The following MUC4 variants were observed in gnomAD, a reference collection of about 807,000 sequenced individuals.
MUC4 encodes mucin 4, cell surface associated.
In MUC4, 202 loss-of-function variants were observed where a neutral mutation model predicts 257.9. The ratio of observed to expected loss-of-function variants is 0.78; its 90% CI spans 0.70 to 0.88. The LOEUF is 0.88. MUC4 is among the 40% of genes least tolerant of loss of function. The pLI is 0.00. For synonymous variants in MUC4, 2,351 were observed against 2,757.1 expected (o/e 0.85, Z 4.62); for missense variants, 5,976 against 6,513.7 (o/e 0.92, Z 2.84).
Position 195,747,371 on chromosome 3 carries a change from G to A in MUC4, c.16044C>T (p.Ser5348=). The A allele has an allele frequency of 6.2e-7, 1 of 1,613,868 alleles. No homozygotes were observed. Among genetic ancestry groups the A allele is most frequent in the Non-Finnish European group, 8.5e-7 (1 of 1,179,792 alleles). ...CGCCCCAGGCCGTGTAGATGGAGAAGGACACACAGCTGGTGACCAAGAGAG... is the reference window on the plus strand; with the variant it reads ...CGCCCCAGGCCGTGTAGATGGAGAAAGACACACAGCTGGTGACCAAGAGAG... ...LPSGPRCSCV[S]FSIYTAWGEH... is the part of the protein sequence containing the mutation. Residue 5348 remains serine, a synonymous_variant, in exon 25 of 25, where the codon TCC becomes TCT. Transcript: ENST00000463781.
At chr3:195,760,258 T>C (rs1718494512) in intron 16 of MUC4, among the ~76,000 whole-genome samples, 1 of 152,098 alleles carries the variant, frequency 6.6e-6, no homozygotes, top group Non-Finnish European at 1.5e-5. Context: ...AATGTGACAT[T>C]TTAGACAGGG....
Position 195,810,547 on chromosome 3 carries a change from G to T in MUC4, c.82+1189C>A, listed in dbSNP as rs540731329. Among the ~76,000 whole-genome samples, 3 of 152,300 alleles carry T rather than the reference G, an allele frequency of 2.0e-5. No individual in the cohort carries two copies. The highest frequency in any genetic ancestry group is 7.2e-5 in the African/African-American group (3 of 41,566). On this transcript the variant is annotated intron_variant, in intron 1 of 24. Coordinates refer to ENST00000463781, the MANE Select transcript of MUC4 (RefSeq NM_018406.7). This position sits in a 1 kb window ranked among gnomAD's most constrained non-coding sequence, Gnocchi z 4.2. ...CCCTCCCAGCTCTGTACACGGAGGA[G>T]CCCAAGGCCAATGCCGGGGCTACGA...
Position 195,786,317 on chromosome 3 carries a change from T to C in MUC4, c.5263A>G (p.Thr1755Ala), listed in dbSNP as rs773606018. ...ACAGGAAGAGGGGTGGCCTGACCTG[T>C]GGATGCTGAGGAAGCGTCAGTGACA... ...LLVTDASSAS[T>A]GQATPLPVTD... Residue 1755 changes from threonine (T) to alanine (A), a missense_variant, in exon 2 of 25, where the codon ACA becomes GCA. By Grantham distance (58) the Thr-to-Ala change is moderately conservative. This residue lies in a region of MUC4 where 138 missense variants were observed against 107.8 expected (regional missense o/e 1.28). Coordinates refer to ENST00000463781, the MANE Select transcript of MUC4 (RefSeq NM_018406.7). 2.8e-5 allele frequency: 42 copies of C among 1,519,668 alleles called. No individual in the cohort carries two copies. Among genetic ancestry groups the C allele is most frequent in the Non-Finnish European group, 3.6e-5 (40 of 1,126,716 alleles). The allele number at this position is 1,519,668 out of a possible 1,614,324, so 94.1% of individuals were successfully genotyped here.
At chr3:195,767,770 C>T (rs1721555549) in intron 7 of MUC4, among the ~76,000 whole-genome samples, 1 of 130,488 alleles carries the variant, frequency 7.7e-6, no homozygotes, top group East Asian at 3.0e-4. Flanking sequence ...TCACCACCAC[C>T]ACCACCATCA....
intron 7 of MUC4, among the ~76,000 whole-genome samples, chr3:195,767,644 GCCACCA>G (rs1199351487): frequency 3.5e-4 from 8 of 22,762 alleles, no homozygotes; most frequent in Non-Finnish European, 5.0e-4. Context: ...CACCACCATC[GCCACCA>G]CCACCACCAC....
At position 195,788,661 on chromosome 3, in the gene MUC4, G is replaced by A. The variant is rs775979462; in HGVS notation, c.2919C>T (p.Asn973=). 2.0e-5 allele frequency: 33 copies of A among 1,611,798 alleles called. No homozygotes were observed. The highest frequency in any genetic ancestry group is 1.6e-4 in the Middle Eastern group (1 of 6,082). ...CGTAGGTGACAGGAAGAGGGGTGGCGTTGCTGATGAGGGCCGTGGTGAAGG... is the reference window on the plus strand; with the variant it reads ...CGTAGGTGACAGGAAGAGGGGTGGCATTGCTGATGAGGGCCGTGGTGAAGG... ...GKTFTTALIS[N]ATPLPVTYAS... Residue 973 remains asparagine, a synonymous_variant, in exon 2 of 25, where the codon AAC becomes AAT. Transcript: ENST00000463781.
rs1437372827 is a variant in MUC4 at position 195,787,903 on chromosome 3, G to C, written c.3677C>G (p.Ser1226Cys). 2.5e-6 allele frequency: 2 copies of C among 807,754 alleles called. No individual in the cohort carries two copies. The highest frequency in any genetic ancestry group is 3.5e-6 in the Non-Finnish European group (2 of 564,180). The allele number at this position is 807,754 out of a possible 1,614,324, so 50.0% of individuals were successfully genotyped here. The change falls in exon 2 of 25, where the codon TCC becomes TGC. Residue 1226 changes from serine to cysteine, a missense_variant. Ser to Cys is a moderately radical substitution (Grantham distance 112). This residue lies in a region of MUC4 where 90 missense variants were observed against 106.2 expected (regional missense o/e 0.85). Transcript: ENST00000463781. The part of the protein sequence containing the change: ...PLPVTDASSV[S>C]TDHATSLPVT... ...AGGAAGAGAGGTGGCGTGATCTGTG[G>C]ACACTGAGGAAGCGTCGGTGACAGG...
Position 195,789,208 on chromosome 3 carries a change from G to A in MUC4, c.2372C>T (p.Ala791Val), listed in dbSNP as rs199652751. 1.9e-6 allele frequency: 3 copies of A among 1,613,768 alleles called. No individual in the cohort carries two copies. The highest frequency in any genetic ancestry group is 2.2e-5 in the South Asian group (2 of 91,082). The change falls in exon 2 of 25, where the codon GCC becomes GTC. Residue 791 changes from alanine (A) to valine (V), a missense_variant. Ala to Val is a moderately conservative substitution (Grantham distance 64). Transcript: ENST00000463781. ...TGAGGTGGTTCGTGACCCTGAGGAG[G>A]CCGGTTCGCTGGTCTGTGTTTGTCC... ...ASGQTQTSEP[A>V]SSGSRTTSAG...
intron 1 of MUC4, among the ~76,000 whole-genome samples, chr3:195,795,348 C>CT (rs912443144): frequency 2.0e-5 from 3 of 151,934 alleles, no homozygotes; most frequent in East Asian, 1.9e-4. Context: ...CAGCACCGTC[C>CT]TTTTTTTTAA....
At chr3:195,759,916 T>TC (rs1718420966) in intron 16 of MUC4, among the ~76,000 whole-genome samples, 2 of 30,416 alleles carry the variant, frequency 6.6e-5, no homozygotes, top group Admixed American at 5.3e-4. Flanking sequence ...CGAAACTCCG[T>TC]CAACACACAC....
intron 1 of MUC4, among the ~76,000 whole-genome samples, chr3:195,802,227 T>G (rs989345127): frequency 6.6e-6 from 1 of 152,320 alleles, no homozygotes; most frequent in South Asian, 2.1e-4. Context: ...CCTCTGGATT[T>G]CTTTCTCTTC....
At chr3:195,759,103 C>G in intron 17 of MUC4, 21 bp downstream of exon 17, 3 of 1,613,122 alleles carry the variant, frequency 1.9e-6, no homozygotes, top group Non-Finnish European at 2.5e-6. Flanking sequence ...CCACTCTCCC[C>G]AGCCAGCCAA....
rs770313387 is a variant in MUC4, at chr3:195,786,316, G to A, written c.5264C>T (p.Thr1755Ile). The stretch of plus-strand genomic sequence containing the variant: ...GACAGGAAGAGGGGTGGCCTGACCT[G>A]TGGATGCTGAGGAAGCGTCAGTGAC... The part of the protein sequence containing the change: ...LLVTDASSAS[T>I]GQATPLPVTD... Residue 1755 changes from threonine to isoleucine, a missense_variant, in exon 2 of 25, where the codon ACA (threonine) becomes ATA (isoleucine). This residue lies in a region of MUC4 where 138 missense variants were observed against 107.8 expected (regional missense o/e 1.28). Transcript: ENST00000463781. The A allele has an allele frequency of 7.2e-6, 11 of 1,520,612 alleles. No individual in the cohort carries two copies. The highest frequency in any genetic ancestry group is 2.9e-5 in the African/African-American group (2 of 69,684). 94.2% of individuals were successfully genotyped at this position (1,520,612 alleles called of 1,614,324 possible). A position where few individuals can be genotyped will look rare whatever the true frequency, so the allele number is the denominator to read the frequency against.
chr3:195,765,169 G>C, intron 9 of MUC4, 47 bp from the exon 10 acceptor site: 1 of 1,590,232 alleles, frequency 6.3e-7, no homozygotes, highest in Non-Finnish European at 8.6e-7. Flanking sequence ...GGCTGCCAGG[G>C]GCGGGGTGGG....
chr3:195,786,491 G>T lies in MUC4; in HGVS notation c.5089C>A (p.Leu1697Ile), dbSNP rs1299543662. The T allele has an allele frequency of 9.2e-6, 14 of 1,526,868 alleles. No individual in the cohort carries two copies. The highest frequency in any genetic ancestry group is 1.1e-5 in the Non-Finnish European group (13 of 1,132,172). The allele number at this position is 1,526,868 out of a possible 1,614,324, so 94.6% of individuals were successfully genotyped here. A position where few individuals can be genotyped will look rare whatever the true frequency, so the allele number is the denominator to read the frequency against. ...GCCGAGGAAACGTCGGTGACAGGAA[G>T]ACGGGTGGTGTCATCTGTGGTAGCT... ...SSATTDDTTR[L>I]PVTDVSSAST... Residue 1697 changes from leucine to isoleucine, a missense_variant, in exon 2 of 25, where the codon CTT becomes ATT. Physicochemically the swap from Leu to Ile is conservative, Grantham distance 5. Around this residue, in one of 44 missense-constraint regions of MUC4, gnomAD observed 138 missense variants for 107.8 expected, o/e 1.28. Transcript: ENST00000463781.
At position 195,755,879 on chromosome 3, in the gene MUC4, A is replaced by ATGTG. The variant is rs1397009770; in HGVS notation, c.15168+1267_15168+1268insCACA. On this transcript the variant is annotated intron_variant, in intron 18 of 24. Coordinates refer to ENST00000463781, the MANE Select transcript of MUC4 (RefSeq NM_018406.7). The surrounding 1 kb of genome is among the most constrained non-coding windows in gnomAD (Gnocchi z 5.0). ...TGTGTGTGTCTGTGTGTGCGTGTGC[A>ATGTG]TGCGTGTGTGTGTAAGTGGTGAAGG... Among the ~76,000 whole-genome samples the ATGTG allele has an allele frequency of 4.6e-5, 7 of 151,962 alleles. No individual in the cohort carries two copies. The highest frequency in any genetic ancestry group is 1.7e-4 in the African/African-American group (7 of 41,374).
At chr3:195,806,664 T>C (rs1248681963) in intron 1 of MUC4, among the ~76,000 whole-genome samples, 1 of 152,216 alleles carries the variant, frequency 6.6e-6, no homozygotes, top group Non-Finnish European at 1.5e-5. Flanking sequence ...GCTTCTGTTC[T>C]TCCCTCCGTC....
At chr3:195,803,809 C>T (rs1392900857) in intron 1 of MUC4, among the ~76,000 whole-genome samples, 1 of 152,196 alleles carries the variant, frequency 6.6e-6, no homozygotes, top group Non-Finnish European at 1.5e-5. Context: ...GGGACTGCCA[C>T]CGAGTGGATG....
chr3:195,773,773 G>A (rs571743566), intron 4 of MUC4, among the ~76,000 whole-genome samples: 20 of 152,242 alleles, frequency 1.3e-4, no homozygotes, highest in African/African-American at 4.1e-4. Flanking sequence ...CCTCTCCATC[G>A]CTCAGTCGCC....
Sources: allele counts gnomAD v4.1 joint callset (sites outside exome capture counted in the v4.1 genomes callset), GRCh38; gene constraint gnomAD v4.1.1; regional missense constraint gnomAD v4.1.1; non-coding constraint Gnocchi (gnomAD v3.1); transcripts MANE v1.5; gene names NCBI Gene and HGNC (gene_info 2026-07-23, HGNC 2026-07-21).